The following TMEM117 variants were observed in gnomAD, a reference collection of about 807,000 sequenced individuals.
TMEM117 encodes the protein transmembrane protein 117.
In TMEM117, 27 loss-of-function variants were observed where a neutral mutation model predicts 52.4. The ratio of observed to expected loss-of-function variants is 0.51; its 90% CI spans 0.38 to 0.71. TMEM117 has a LOEUF of 0.71. Ranked by LOEUF, TMEM117 falls within the 30% of genes least tolerant of loss-of-function variation. The probability of loss-of-function intolerance (pLI) is 0.00; values close to 1 mark genes in which losing one functional copy is unlikely to be tolerated. For synonymous variants in TMEM117, 215 were observed against 206.3 expected (o/e 1.04, Z -0.36); for missense variants, 556 against 630.5 (o/e 0.88, Z 1.26).
chr12:44,350,300 T>C (rs1280840217), intron 6 of TMEM117, among the ~76,000 whole-genome samples: 1 of 151,986 alleles, frequency 6.6e-6, no homozygotes, highest in African/African-American at 2.4e-5. Flanking sequence ...ATGGGGTACA[T>C]AAGATTTTTT....
chr12:43,839,416 A>T (rs1943083540), intron 1 of TMEM117, among the ~76,000 whole-genome samples: 1 of 152,044 alleles, frequency 6.6e-6, no homozygotes, highest in Non-Finnish European at 1.5e-5. Context: ...CCATCCAGTC[A>T]TACTGCCCTC....
At chr12:44,052,645 C>T (rs1946992230) in intron 3 of TMEM117, among the ~76,000 whole-genome samples, 1 of 152,116 alleles carries the variant, frequency 6.6e-6, no homozygotes, top group African/African-American at 2.4e-5. Context: ...TCTCAAGGAC[C>T]CTCGGGCAGC....
chr12:44,183,333 C>T (rs997307856), intron 4 of TMEM117, among the ~76,000 whole-genome samples: 1 of 152,120 alleles, frequency 6.6e-6, no homozygotes, highest in South Asian at 2.1e-4. Context: ...ATGCATTGCT[C>T]TCTTAATTTT....
At chr12:44,083,478 T>C (rs1423153298) in intron 3 of TMEM117, 1 of 147,570 alleles carries the variant, frequency 6.8e-6, no homozygotes, top group African/African-American at 2.5e-5. Flanking sequence ...CTTGGCTCAC[T>C]GCAACCTCCA....
chr12:44,032,709 G>A (rs2137873134), intron 3 of TMEM117, among the ~76,000 whole-genome samples: 1 of 152,262 alleles, frequency 6.6e-6, no homozygotes, highest in South Asian at 2.1e-4. Flanking sequence ...AGCACCTTTT[G>A]TCAAAACTCA....
At chr12:44,238,991 G>C (rs1227597094) in intron 5 of TMEM117, among the ~76,000 whole-genome samples, 3 of 152,060 alleles carry the variant, frequency 2.0e-5, no homozygotes, top group Non-Finnish European at 4.4e-5. Flanking sequence ...ATGGCACATT[G>C]TGCATTTAAA....
At chr12:43,805,232 G>A in the TMEM117 span, among the ~76,000 whole-genome samples, 1 of 152,200 alleles carries the variant, frequency 6.6e-6, no homozygotes, top group African/African-American at 2.4e-5. Context: ...TAAGTAGGTA[G>A]TGCTTGCTAT....
intron 7 of TMEM117, among the ~76,000 whole-genome samples, chr12:44,380,839 C>T (rs1952010007): frequency 6.6e-6 from 1 of 152,070 alleles, no homozygotes; most frequent in South Asian, 2.1e-4. Context: ...GCCACTTACC[C>T]ACTATTCTGA....
chr12:43,926,353 G>T (rs10785478), intron 2 of TMEM117, among the ~76,000 whole-genome samples: 24,320 of 152,020 alleles, frequency 0.16, 2,848 homozygotes, highest in African/African-American at 0.32. Flanking sequence ...CTTCCAATCA[G>T]CTTACTGCTC....
intron 3 of TMEM117, among the ~76,000 whole-genome samples, chr12:44,043,402 G>A (rs1235455077): frequency 6.6e-6 from 1 of 152,162 alleles, no homozygotes; most frequent in African/African-American, 2.4e-5. Flanking sequence ...AAAAGAACGG[G>A]ACCCTGAAAC....
intron 3 of TMEM117, among the ~76,000 whole-genome samples, chr12:44,018,852 T>A (rs546517558): frequency 3.8e-4 from 58 of 152,066 alleles, no homozygotes; most frequent in Non-Finnish European, 6.9e-4. Context: ...CCCGAGTAGC[T>A]GGAATTACAG....
chr12:44,186,177 TGA>T (rs1238081648), intron 4 of TMEM117, among the ~76,000 whole-genome samples: 3 of 152,140 alleles, frequency 2.0e-5, no homozygotes, highest in Non-Finnish European at 4.4e-5. Flanking sequence ...GTCCTGATAA[TGA>T]GATGTGGTTA....
At chr12:44,118,747 C>T (rs561048226) in intron 3 of TMEM117, among the ~76,000 whole-genome samples, 1 of 136,196 alleles carries the variant, frequency 7.3e-6, no homozygotes, top group African/African-American at 3.7e-5. Context: ...TTAGCCTCTA[C>T]TTTTCAGGCA....
At chr12:43,956,150 A>T (rs1204768222) in intron 3 of TMEM117, among the ~76,000 whole-genome samples, 1 of 152,212 alleles carries the variant, frequency 6.6e-6, no homozygotes, top group Non-Finnish European at 1.5e-5. Flanking sequence ...CTCAAGATGG[A>T]TTAAAGCCTT....
At chr12:44,072,118 G>A (rs1947311147) in intron 3 of TMEM117, among the ~76,000 whole-genome samples, 1 of 152,070 alleles carries the variant, frequency 6.6e-6, no homozygotes, top group Admixed American at 6.6e-5. Context: ...ATCTCCAATG[G>A]AGACTTTTTC....
intron 5 of TMEM117, among the ~76,000 whole-genome samples, chr12:44,267,997 G>A (rs542490562): frequency 6.6e-6 from 1 of 152,246 alleles, no homozygotes; most frequent in African/African-American, 2.4e-5. Flanking sequence ...CTTATTTCAT[G>A]TCCTTTGGAT....
chr12:44,181,570 A>T (rs1047843592), intron 4 of TMEM117, among the ~76,000 whole-genome samples: 1 of 151,924 alleles, frequency 6.6e-6, no homozygotes, highest in African/African-American at 2.4e-5. Flanking sequence ...CTTTCTACAT[A>T]TGGCTAGCCA....
At chr12:44,064,225 C>T (rs555407059) in intron 3 of TMEM117, among the ~76,000 whole-genome samples, 12 of 152,168 alleles carry the variant, frequency 7.9e-5, no homozygotes, top group Admixed American at 5.2e-4. Context: ...GCCCTAAGAA[C>T]GGTGTGAATC....
chr12:43,893,648 A>G (rs933985706), intron 2 of TMEM117, among the ~76,000 whole-genome samples: 2 of 152,176 alleles, frequency 1.3e-5, no homozygotes, highest in Admixed American at 6.5e-5. Context: ...TCCAAATGTT[A>G]CCTGTTCTTC....
Sources: gnomAD v4.1 joint callset for allele counts (sites outside exome capture counted in the v4.1 genomes callset) on GRCh38, gnomAD v4.1.1 for gene constraint, MANE v1.5 for transcripts, NCBI Gene and HGNC (gene_info 2026-07-23, HGNC 2026-07-21) for gene names.